Variants in HTR2C observed in about 807,000 individuals in gnomAD.
HTR2C encodes the protein 5-hydroxytryptamine (serotonin) receptor 2C, G protein-coupled.
A neutral mutation model predicts 21.0 loss-of-function variants in HTR2C; 5 were observed. The observed-to-expected ratio is 0.24, with a 90% CI of 0.12 to 0.50. The LOEUF (loss-of-function observed/expected upper bound fraction) is 0.50. Ranked by LOEUF, HTR2C falls within the 20% of genes least tolerant of loss-of-function variation. The pLI is 0.98. For synonymous variants in HTR2C, 150 were observed against 145.3 expected (o/e 1.03, Z -0.23); for missense variants, 271 against 371.2 (o/e 0.73, Z 2.22).
chrX:114,754,488 A>T (rs1273081879), intron 4 of HTR2C, among the ~76,000 whole-genome samples: 20 of 111,902 alleles, frequency 1.8e-4, no homozygotes, highest in African/African-American at 6.5e-4. Flanking sequence ...ATTCAGAAAT[A>T]TACCCACATA....
At chrX:114,653,383 C>T (rs1192294104) in intron 2 of HTR2C, among the ~76,000 whole-genome samples, 2 of 110,473 alleles carry the variant, frequency 1.8e-5, no homozygotes, top group African/African-American at 3.3e-5. Flanking sequence ...ATATTTCTTT[C>T]TATTTCCTCC....
intron 4 of HTR2C, among the ~76,000 whole-genome samples, chrX:114,842,425 A>C (rs1556465878): frequency 2.7e-5 from 3 of 112,437 alleles, no homozygotes; most frequent in African/African-American, 9.7e-5. Context: ...AAAGTATTAA[A>C]AGGCACAAGC....
intron 2 of HTR2C, among the ~76,000 whole-genome samples, chrX:114,661,909 A>T (rs1407137161): frequency 8.9e-6 from 1 of 112,075 alleles, no homozygotes; most frequent in Non-Finnish European, 1.9e-5. Flanking sequence ...CCAAAGCTAT[A>T]TTATTCTACT....
chrX:114,622,239 A>G (rs73580540), intron 2 of HTR2C, among the ~76,000 whole-genome samples: 1,714 of 111,695 alleles, frequency 0.015, 35 homozygotes, highest in African/African-American at 0.053. Flanking sequence ...GTCTCCCCAG[A>G]TGCCTCAGTG....
intron 5 of HTR2C, among the ~76,000 whole-genome samples, chrX:114,886,346 G>T (rs1569502501): frequency 9.1e-6 from 1 of 110,487 alleles, no homozygotes; most frequent in South Asian, 3.7e-4. Flanking sequence ...CACATTTAAT[G>T]TTATTGGTGA....
chrX:114,788,553 C>T (rs1196279865), intron 4 of HTR2C, among the ~76,000 whole-genome samples: 2 of 110,735 alleles, frequency 1.8e-5, no homozygotes, highest in African/African-American at 6.6e-5. Context: ...TGAGCCACCT[C>T]ACCTGGCCCC....
intron 2 of HTR2C, among the ~76,000 whole-genome samples, chrX:114,704,508 A>C (rs1322996188): frequency 8.9e-6 from 1 of 111,869 alleles, no homozygotes. Flanking sequence ...AAAATTCAAC[A>C]ACCTTCATGC....
chrX:114,761,902 T>TATATACAC (rs2069874762), intron 4 of HTR2C, among the ~76,000 whole-genome samples: 3 of 104,355 alleles, frequency 2.9e-5, no homozygotes, highest in African/African-American at 3.6e-5. Flanking sequence ...TATATATACA[T>TATATACAC]ATATGTGTAT....
chrX:114,697,146 A>G (rs1250241744), intron 2 of HTR2C, among the ~76,000 whole-genome samples: 1 of 112,114 alleles, frequency 8.9e-6, no homozygotes, highest in Non-Finnish European at 1.9e-5. Context: ...TAAGTAGGTA[A>G]TATTTGTTAG....
intron 4 of HTR2C, among the ~76,000 whole-genome samples, chrX:114,841,547 C>T (rs781930208): frequency 6.7e-4 from 75 of 111,209 alleles, no homozygotes; most frequent in Middle Eastern, 4.6e-3. Flanking sequence ...CGAGACCATC[C>T]TGGCTAACAA....
chrX:114,710,180 C>G (rs1932870727), intron 2 of HTR2C, among the ~76,000 whole-genome samples: 2 of 111,539 alleles, frequency 1.8e-5, no homozygotes, highest in African/African-American at 6.5e-5. Context: ...GTCCCAGCTC[C>G]TCAGGAAGCT....
Position 114,894,278 on chromosome X carries a change from G to C in HTR2C, c.551-12311G>C, listed in dbSNP as rs191165979. ...AAATATATCAAACGTTTATCAACAG[G>C]TGAAAGGATAAGCAACAATTCCTTC... On this transcript the variant is annotated intron_variant, in intron 5 of 5. Coordinates refer to ENST00000276198, the MANE Select transcript of HTR2C (RefSeq NM_000868.4). Among the ~76,000 whole-genome samples the C allele has an allele frequency of 7.6e-4, 85 of 111,683 alleles. 1 individual carries two copies. The highest frequency in any genetic ancestry group is 5.7e-3 in the Admixed American group (60 of 10,458).
At chrX:114,862,936 C>A (rs1309178391) in intron 5 of HTR2C, among the ~76,000 whole-genome samples, 1 of 111,156 alleles carries the variant, frequency 9.0e-6, no homozygotes, top group Non-Finnish European at 1.9e-5. Flanking sequence ...TTCTAAGCTT[C>A]TGGTAACCTG....
intron 1 of HTR2C, among the ~76,000 whole-genome samples, chrX:114,598,802 G>A (rs1489394957): frequency 9.0e-6 from 1 of 111,223 alleles, no homozygotes; most frequent in Non-Finnish European, 1.9e-5. Context: ...CTCTAATAAA[G>A]CAAGTAGAAC....
At chrX:114,683,450 A>T (rs1259862645) in intron 2 of HTR2C, among the ~76,000 whole-genome samples, 1 of 110,683 alleles carries the variant, frequency 9.0e-6, no homozygotes, top group Non-Finnish European at 1.9e-5. Context: ...GGGGAGAGGG[A>T]TAAAGGGACT....
chrX:114,601,723 T>A (rs1347566773), intron 1 of HTR2C, among the ~76,000 whole-genome samples: 5 of 107,699 alleles, frequency 4.6e-5, no homozygotes, highest in African/African-American at 1.7e-4. Flanking sequence ...AGGCCTGACA[T>A]TCCTGCCTTC....
intron 4 of HTR2C, among the ~76,000 whole-genome samples, chrX:114,838,482 A>C (rs2070806496): frequency 8.9e-6 from 1 of 112,190 alleles, no homozygotes; most frequent in Non-Finnish European, 1.9e-5. Flanking sequence ...ATGAAAATAA[A>C]GTCCTTTTGT....
intron 4 of HTR2C, among the ~76,000 whole-genome samples, chrX:114,787,974 A>T (rs2070194685): frequency 9.1e-6 from 1 of 109,678 alleles, no homozygotes; most frequent in African/African-American, 3.3e-5. Flanking sequence ...AAGAAATCCT[A>T]AAAAAATTCC....
chrX:114,870,195 C>T (rs1556475976), intron 5 of HTR2C, among the ~76,000 whole-genome samples: 1 of 109,398 alleles, frequency 9.1e-6, no homozygotes, highest in Non-Finnish European at 1.9e-5. Flanking sequence ...TTAAGTGATT[C>T]TCCTGCCTCA....
Sources: allele counts gnomAD v4.1 joint callset (sites outside exome capture counted in the v4.1 genomes callset), GRCh38; gene constraint gnomAD v4.1.1; transcripts MANE v1.5; gene names NCBI Gene and HGNC (gene_info 2026-07-23, HGNC 2026-07-21).